MAP3K5: variants seen among roughly 807,000 people sequenced by gnomAD.
The protein encoded by MAP3K5 is mitogen-activated protein kinase kinase kinase 5, also known as ASK-1.
Under a neutral mutation model 158.7 loss-of-function variants are expected in MAP3K5, and 56 were observed. The ratio of observed to expected loss-of-function variants is 0.35; its 90% CI spans 0.28 to 0.44. The LOEUF (loss-of-function observed/expected upper bound fraction) is 0.44, where lower values mean the gene tolerates loss of function less well. MAP3K5 is among the 20% of genes least tolerant of loss of function. MAP3K5 has a pLI of 1.00. For synonymous variants in MAP3K5, 579 were observed against 601.7 expected, an observed-to-expected ratio of 0.96 and a Z score of 0.55; for missense variants, 1,294 against 1,674.8, an observed-to-expected ratio of 0.77 and a Z score of 3.97.
intron 2 of MAP3K5, among the ~76,000 whole-genome samples, chr6:136,716,100 CCTTGGGAGGAGGAGCTATTA>C (rs1781517203): frequency 7.2e-6 from 1 of 138,538 alleles, no homozygotes; most frequent in Non-Finnish European, 1.5e-5. Context: ...TTCTCCATTT[CCTTGGGAGGAGGAGCTATTA>C]TAAACATGTT....
intron 1 of MAP3K5, among the ~76,000 whole-genome samples, chr6:136,730,703 T>C (rs6941389): frequency 0.51 from 70,053 of 137,242 alleles, 17,439 homozygotes; most frequent in Middle Eastern, 0.62. Context: ...GCCTGGGAGA[T>C]AGAGTGAAAC....
At chr6:136,628,020 C>G (rs1777124876) in intron 14 of MAP3K5, among the ~76,000 whole-genome samples, 1 of 151,890 alleles carries the variant, frequency 6.6e-6, no homozygotes, top group Non-Finnish European at 1.5e-5. Flanking sequence ...GTGATGAGAA[C>G]TTTTTTAGAA....
At chr6:136,769,590 G>C (rs1366445760) in intron 1 of MAP3K5, among the ~76,000 whole-genome samples, 1 of 150,750 alleles carries the variant, frequency 6.6e-6, no homozygotes, top group East Asian at 1.9e-4. Flanking sequence ...ACAGTAAACA[G>C]AAAAACAAAT....
chr6:136,621,902 C>T (rs753906939), intron 15 of MAP3K5, among the ~76,000 whole-genome samples: 7 of 151,944 alleles, frequency 4.6e-5, no homozygotes, highest in Non-Finnish European at 7.4e-5. Flanking sequence ...CTGGTTAACA[C>T]GGTGAAACCG....
chr6:136,620,192 C>T (rs1435090053), intron 15 of MAP3K5, among the ~76,000 whole-genome samples: 1 of 152,116 alleles, frequency 6.6e-6, no homozygotes, highest in Non-Finnish European at 1.5e-5. Context: ...ATTGCTTGAA[C>T]TCGGGAGGTG....
chr6:136,741,196 T>C (rs1265136884), intron 1 of MAP3K5, among the ~76,000 whole-genome samples: 3 of 152,146 alleles, frequency 2.0e-5, no homozygotes, highest in Non-Finnish European at 4.4e-5. Flanking sequence ...ATTTAGTCCT[T>C]AGTAGCAAAT....
chr6:136,565,497 T>A (rs552224089), intron 26 of MAP3K5, among the ~76,000 whole-genome samples: 4 of 152,352 alleles, frequency 2.6e-5, no homozygotes, highest in Non-Finnish European at 4.4e-5. Context: ...AATGGTGCAA[T>A]CATGGCTCAC....
chr6:136,589,798 G>A (rs1388617914), intron 23 of MAP3K5, among the ~76,000 whole-genome samples: 2 of 152,142 alleles, frequency 1.3e-5, no homozygotes, highest in Non-Finnish European at 2.9e-5. Flanking sequence ...TAGGCCTCAG[G>A]AGAAACCAAA....
chr6:136,559,580 A>C (rs950838691), intron 28 of MAP3K5, among the ~76,000 whole-genome samples: 1 of 152,266 alleles, frequency 6.6e-6, no homozygotes, highest in African/African-American at 2.4e-5. Context: ...GTTCCTGGAA[A>C]GGTACTGCCT....
intron 1 of MAP3K5, among the ~76,000 whole-genome samples, chr6:136,784,904 C>G (rs1169969576): frequency 6.6e-6 from 1 of 151,968 alleles, no homozygotes; most frequent in African/African-American, 2.4e-5. Context: ...CTCTGTCTCT[C>G]TTTCTCTCTC....
At chr6:136,643,475 C>A (rs773885600) in intron 11 of MAP3K5, among the ~76,000 whole-genome samples, 6 of 152,174 alleles carry the variant, frequency 3.9e-5, no homozygotes, top group Non-Finnish European at 7.3e-5. Flanking sequence ...TTCTTACCCA[C>A]CCACTGCCAG....
chr6:136,558,715 A>T, intron 29 of MAP3K5, 85 bp downstream of exon 29: 2 of 854,328 alleles, frequency 2.3e-6, no homozygotes, highest in Non-Finnish European at 4.0e-6. Flanking sequence ...AAAGCTAATT[A>T]GAGACCCAGC....
intron 14 of MAP3K5, chr6:136,637,008 T>A: frequency 9.1e-7 from 1 of 1,093,012 alleles, no homozygotes; most frequent in Non-Finnish European, 1.1e-6. Context: ...TTTGTCTGAA[T>A]TGCACATATC....
chr6:136,595,937 G>T (rs1013704081), intron 21 of MAP3K5, among the ~76,000 whole-genome samples: 2 of 152,086 alleles, frequency 1.3e-5, no homozygotes, highest in Non-Finnish European at 2.9e-5. Context: ...TTGAACCCAG[G>T]AGGCGGAAGT....
chr6:136,663,745 A>G (rs1201015939), intron 8 of MAP3K5, among the ~76,000 whole-genome samples: 5 of 151,494 alleles, frequency 3.3e-5, no homozygotes, highest in African/African-American at 1.2e-4. Context: ...AAGTAGCTGG[A>G]ATTACAGGTG....
intron 10 of MAP3K5, among the ~76,000 whole-genome samples, chr6:136,655,763 G>A (rs1397120447): frequency 2.6e-5 from 4 of 151,864 alleles, no homozygotes; most frequent in Non-Finnish European, 4.4e-5. Flanking sequence ...CTATATGTCT[G>A]AAGTCCACTA....
Position 136,694,194 on chromosome 6 carries a change from A to T in MAP3K5, c.1199T>A (p.Met400Lys), listed in dbSNP as rs747901209. ...GTCCGTGAAATTAGAGTCCAAAAAC[A>T]TATCTTTGTAGATTCGACCAACTAG... ...YCLVGRIYKD[M>K]FLDSNFTDTE... Residue 400 changes from methionine (M) to lysine (K), a missense_variant, in exon 7 of 30, where the codon ATG becomes AAG. Physicochemically the swap from Met to Lys is moderately conservative, Grantham distance 95. This residue lies in a region of MAP3K5 where 690 missense variants were observed against 870.5 expected (regional missense o/e 0.79). Coordinates refer to ENST00000359015, the MANE Select transcript of MAP3K5 (RefSeq NM_005923.4). The T allele has an allele frequency of 1.2e-6, 2 of 1,613,896 alleles. No individual in the cohort carries two copies. Among genetic ancestry groups the T allele is most frequent in the East Asian group, 4.5e-5 (2 of 44,844 alleles).
At chr6:136,764,336 C>T (rs1180763146) in intron 1 of MAP3K5, among the ~76,000 whole-genome samples, 2 of 152,228 alleles carry the variant, frequency 1.3e-5, no homozygotes, top group Non-Finnish European at 2.9e-5. Flanking sequence ...ACCTAACAGA[C>T]TGATAGCTTC....
intron 1 of MAP3K5, among the ~76,000 whole-genome samples, chr6:136,744,388 T>TAG (rs1782843711): frequency 6.6e-6 from 1 of 151,878 alleles, no homozygotes; most frequent in African/African-American, 2.4e-5. Context: ...TACATATATA[T>TAG]ATGTATATAT....
Sources: allele counts gnomAD v4.1 joint callset (sites outside exome capture counted in the v4.1 genomes callset), GRCh38; gene constraint gnomAD v4.1.1; regional missense constraint gnomAD v4.1.1; transcripts MANE v1.5; gene names NCBI Gene and HGNC (gene_info 2026-07-23, HGNC 2026-07-21).